ATRN: variants seen among roughly 807,000 people sequenced by gnomAD.
ATRN encodes the protein attractin.
A neutral mutation model predicts 178.7 loss-of-function variants in ATRN; 54 were observed. That is an observed-to-expected ratio of 0.30 (90% CI 0.24 to 0.38). ATRN has a LOEUF of 0.38. Ranked by LOEUF, ATRN falls within the 10% of genes least tolerant of loss-of-function variation. The pLI, the probability that ATRN is intolerant of heterozygous loss-of-function variation, is 1.00. For missense variants in ATRN, 1,443 were observed against 1,815.1 expected (o/e 0.79, Z 3.73); for synonymous variants, 636 against 663.0 (o/e 0.96, Z 0.63).
chr20:3,480,125 A>G (rs1329074433), intron 1 of ATRN, among the ~76,000 whole-genome samples: 1 of 152,162 alleles, frequency 6.6e-6, no homozygotes, highest in Non-Finnish European at 1.5e-5. Flanking sequence ...TAAGGTTATA[A>G]TGGCCTCTTT....
chr20:3,614,867 A>G (rs894359373), intron 24 of ATRN, among the ~76,000 whole-genome samples: 2 of 152,166 alleles, frequency 1.3e-5, no homozygotes, highest in Non-Finnish European at 2.9e-5. Flanking sequence ...GACATTTTAT[A>G]TAAATTGAGT....
chr20:3,558,523 C>T (rs1187836145), intron 6 of ATRN, among the ~76,000 whole-genome samples: 2 of 130,228 alleles, frequency 1.5e-5, no homozygotes, highest in East Asian at 2.5e-4. Context: ...TAAGATATAA[C>T]AATATCATTT....
chr20:3,475,560 A>G (rs1010617306), intron 1 of ATRN, among the ~76,000 whole-genome samples: 1 of 152,216 alleles, frequency 6.6e-6, no homozygotes, highest in Non-Finnish European at 1.5e-5. Flanking sequence ...ACTTTCGTTC[A>G]TTCTTATGTG....
intron 1 of ATRN, among the ~76,000 whole-genome samples, chr20:3,474,924 C>T (rs1599990371): frequency 1.3e-5 from 2 of 148,150 alleles, no homozygotes; most frequent in East Asian, 2.0e-4. Flanking sequence ...CCCAGCTACT[C>T]GGGAGGCTGA....
chr20:3,643,095 G>T (rs1306349066), intron 27 of ATRN, among the ~76,000 whole-genome samples: 1 of 152,084 alleles, frequency 6.6e-6, no homozygotes, highest in Non-Finnish European at 1.5e-5. Context: ...CAAAGTGCTG[G>T]GATTACAGGT....
At chr20:3,492,934 A>G (rs899789082) in intron 1 of ATRN, among the ~76,000 whole-genome samples, 7 of 147,136 alleles carry the variant, frequency 4.8e-5, no homozygotes, top group Non-Finnish European at 8.9e-5. Context: ...ATGTGGGTAT[A>G]TATTATTTAT....
Position 3,560,734 on chromosome 20 carries a change from A to G in ATRN, c.1276A>G (p.Ile426Val). 1.9e-6 allele frequency: 3 copies of G among 1,614,100 alleles called. No individual in the cohort carries two copies. The highest frequency in any genetic ancestry group is 2.5e-6 in the Non-Finnish European group (3 of 1,179,966). Reference protein sequence around the residue: ...NVTNELRVFHIHNESWVLLTP... With the variant: ...NVTNELRVFHVHNESWVLLTP... Reference sequence around the variant, plus strand: ...GACCAATGAGTTGAGAGTTTTTCACATTCATAATGAGTCATGGGTGTTGTT... The same window carrying G: ...GACCAATGAGTTGAGAGTTTTTCACGTTCATAATGAGTCATGGGTGTTGTT... The change falls in exon 8 of 29, where the codon ATT (isoleucine) becomes GTT (valine). Residue 426 changes from isoleucine to valine, a missense_variant. Physicochemically the swap from Ile to Val is conservative, Grantham distance 29. Around this residue, in one of 4 missense-constraint regions of ATRN, gnomAD observed 862 missense variants for 972.1 expected, o/e 0.89. Coordinates refer to ENST00000262919, the MANE Select transcript of ATRN (RefSeq NM_139321.3).
intron 1 of ATRN, among the ~76,000 whole-genome samples, chr20:3,524,295 A>G (rs895385887): frequency 1.3e-5 from 2 of 152,284 alleles, no homozygotes; most frequent in East Asian, 3.9e-4. Context: ...CTTCAAACCA[A>G]CAAAGATCAA....
intron 1 of ATRN, among the ~76,000 whole-genome samples, chr20:3,503,044 CA>C (rs1404620621): frequency 6.6e-6 from 1 of 152,104 alleles, no homozygotes; most frequent in African/African-American, 2.4e-5. Context: ...CCTCTTCCAC[CA>C]AGAGACAACT....
At chr20:3,527,036 T>C in intron 1 of ATRN, among the ~76,000 whole-genome samples, 1 of 152,148 alleles carries the variant, frequency 6.6e-6, no homozygotes. Flanking sequence ...ACTTCATGAC[T>C]AAAACACCAA....
intron 17 of ATRN, among the ~76,000 whole-genome samples, 189 bp downstream of exon 17, chr20:3,584,272 A>G (rs2086324059): frequency 6.6e-6 from 1 of 152,206 alleles, no homozygotes; most frequent in South Asian, 2.1e-4. Flanking sequence ...AGAATCAGGC[A>G]CATTGACAGT....
At chr20:3,486,724 A>C (rs1188619259) in intron 1 of ATRN, among the ~76,000 whole-genome samples, 1 of 152,026 alleles carries the variant, frequency 6.6e-6, no homozygotes, top group African/African-American at 2.4e-5. Flanking sequence ...CTCATAGTCT[A>C]TCTCTGTTAT....
At chr20:3,630,601 A>G (rs1439486783) in intron 25 of ATRN, among the ~76,000 whole-genome samples, 1 of 152,174 alleles carries the variant, frequency 6.6e-6, no homozygotes, top group Non-Finnish European at 1.5e-5. Context: ...AAGTACGTAC[A>G]GCCTGGTGAG....
chr20:3,566,904 CAAAAAA>C (rs33920660), intron 11 of ATRN, among the ~76,000 whole-genome samples: 1 of 86,454 alleles, frequency 1.2e-5, no homozygotes, highest in African/African-American at 4.7e-5. Flanking sequence ...GACTCCATCT[CAAAAAA>C]AAAAAAAAAA....
chr20:3,523,236 T>C (rs970343656), intron 1 of ATRN, among the ~76,000 whole-genome samples: 2 of 151,800 alleles, frequency 1.3e-5, no homozygotes, highest in Admixed American at 1.3e-4. Flanking sequence ...CTGATGGAGC[T>C]GAAAAACAAA....
At chr20:3,498,576 A>C (rs1210948554) in intron 1 of ATRN, among the ~76,000 whole-genome samples, 1 of 152,160 alleles carries the variant, frequency 6.6e-6, no homozygotes, top group East Asian at 1.9e-4. Context: ...AACCAAAGAC[A>C]AAAACCACAT....
At chr20:3,531,849 A>G (rs552676197) in intron 1 of ATRN, among the ~76,000 whole-genome samples, 47 of 152,348 alleles carry the variant, frequency 3.1e-4, no homozygotes, top group African/African-American at 1.1e-3. Flanking sequence ...ATATCTATGC[A>G]TTATCTGTAA....
chr20:3,605,408 T>C (rs1168495793), intron 24 of ATRN, among the ~76,000 whole-genome samples: 1 of 152,220 alleles, frequency 6.6e-6, no homozygotes, highest in Non-Finnish European at 1.5e-5. Context: ...TTACTGGGTG[T>C]ATATCCAAAA....
At chr20:3,617,121 T>C (rs2086855144) in intron 24 of ATRN, among the ~76,000 whole-genome samples, 1 of 152,208 alleles carries the variant, frequency 6.6e-6, no homozygotes, top group South Asian at 2.1e-4. Flanking sequence ...CACCTTTTTC[T>C]GATATTGTCA....
Sources: gnomAD v4.1 joint callset for allele counts (sites outside exome capture counted in the v4.1 genomes callset) on GRCh38, gnomAD v4.1.1 for gene constraint, gnomAD v4.1.1 regional missense constraint, MANE v1.5 for transcripts, NCBI Gene and HGNC (gene_info 2026-07-23, HGNC 2026-07-21) for gene names.